The following SGCZ variants were observed in gnomAD, a reference collection of about 807,000 sequenced individuals.
The protein encoded by SGCZ is zeta-sarcoglycan.
In SGCZ, 40 loss-of-function variants were observed where a neutral mutation model predicts 41.3. The ratio of observed to expected loss-of-function variants is 0.97; its 90% CI spans 0.75 to 1.26. The LOEUF (loss-of-function observed/expected upper bound fraction) is 1.26, where lower values mean the gene tolerates loss of function less well. SGCZ is among the 50% of genes most tolerant of loss of function. The probability of loss-of-function intolerance (pLI) is 0.00; values close to 1 mark genes in which losing one functional copy is unlikely to be tolerated. For synonymous variants in SGCZ, 206 were observed against 137.5 expected (o/e 1.50, Z -3.49); for missense variants, 552 against 369.8 (o/e 1.49, Z -4.04).
chr8:14,466,545 G>A (rs973969222), intron 2 of SGCZ, among the ~76,000 whole-genome samples: 1 of 151,760 alleles, frequency 6.6e-6, no homozygotes, highest in Non-Finnish European at 1.5e-5. Context: ...CATAATTTCT[G>A]TCCACTGTAT....
intron 1 of SGCZ, among the ~76,000 whole-genome samples, chr8:14,567,095 C>G (rs1418137422): frequency 6.6e-6 from 1 of 152,204 alleles, no homozygotes; most frequent in Non-Finnish European, 1.5e-5. Context: ...GGCTCGGGAC[C>G]TGCAGCCCGC....
intron 5 of SGCZ, among the ~76,000 whole-genome samples, chr8:14,114,845 A>T (rs1023486714): frequency 1.3e-5 from 2 of 151,964 alleles, no homozygotes; most frequent in African/African-American, 4.8e-5. Context: ...TCTGAGTTTT[A>T]GGAGGAAAAG....
intron 2 of SGCZ, among the ~76,000 whole-genome samples, chr8:14,553,649 C>T (rs967576556): frequency 2.6e-5 from 4 of 151,924 alleles, no homozygotes; most frequent in African/African-American, 9.7e-5. Context: ...AATTGTGGTG[C>T]CTTACAACAT....
chr8:14,285,974 A>G (rs1266079447), intron 3 of SGCZ, among the ~76,000 whole-genome samples: 1 of 152,120 alleles, frequency 6.6e-6, no homozygotes, highest in African/African-American at 2.4e-5. Context: ...ATAATAATGT[A>G]TGTGTATCTA....
intron 1 of SGCZ, among the ~76,000 whole-genome samples, chr8:14,598,781 G>A (rs911233051): frequency 6.6e-6 from 1 of 151,860 alleles, no homozygotes; most frequent in Admixed American, 6.6e-5. Flanking sequence ...CGCCTGACTT[G>A]GCCTCCCAAC....
chr8:14,814,277 A>G (rs1289207289), intron 1 of SGCZ, among the ~76,000 whole-genome samples: 1 of 152,142 alleles, frequency 6.6e-6, no homozygotes, highest in Non-Finnish European at 1.5e-5. Context: ...ACCTCCTTAA[A>G]TGGTCAGCCT....
chr8:14,451,963 C>T (rs1800606815), intron 2 of SGCZ, among the ~76,000 whole-genome samples: 1 of 152,150 alleles, frequency 6.6e-6, no homozygotes, highest in Non-Finnish European at 1.5e-5. Flanking sequence ...TACGATCCAG[C>T]AATCATACTC....
intron 1 of SGCZ, among the ~76,000 whole-genome samples, chr8:15,131,873 G>T (rs1365254850): frequency 6.6e-6 from 1 of 152,158 alleles, no homozygotes; most frequent in Admixed American, 6.5e-5. Context: ...AGCCTGAAAG[G>T]TCTGCAAGCT....
chr8:15,110,452 A>G (rs1807004290), intron 1 of SGCZ, among the ~76,000 whole-genome samples: 1 of 152,240 alleles, frequency 6.6e-6, no homozygotes. Context: ...TACTTAAATT[A>G]CATGGTTTCT....
At chr8:15,218,017 C>T (rs73535898) in intron 1 of SGCZ, among the ~76,000 whole-genome samples, 2 of 152,152 alleles carry the variant, frequency 1.3e-5, no homozygotes, top group Non-Finnish European at 2.9e-5. Context: ...CCCTGGGAGG[C>T]GGAGATTCCT....
intron 2 of SGCZ, among the ~76,000 whole-genome samples, chr8:14,329,664 G>A (rs1159924973): frequency 6.6e-6 from 1 of 152,024 alleles, no homozygotes; most frequent in Non-Finnish European, 1.5e-5. Flanking sequence ...TATTTACTAT[G>A]CTTTCTAAAT....
chr8:14,522,365 T>C (rs979731926), intron 2 of SGCZ, among the ~76,000 whole-genome samples: 2 of 152,058 alleles, frequency 1.3e-5, no homozygotes, highest in Non-Finnish European at 2.9e-5. Flanking sequence ...GTGAAATCAC[T>C]TTGGACAAGA....
intron 2 of SGCZ, among the ~76,000 whole-genome samples, chr8:14,538,092 T>C (rs553459216): frequency 6.1e-4 from 92 of 151,954 alleles, no homozygotes; most frequent in Non-Finnish European, 1.3e-3. Flanking sequence ...TTAAAGTATA[T>C]GTATAGATGT....
intron 3 of SGCZ, among the ~76,000 whole-genome samples, chr8:14,246,961 C>G (rs1799118655): frequency 6.6e-6 from 1 of 150,616 alleles, no homozygotes; most frequent in Non-Finnish European, 1.5e-5. Context: ...AATTCATTTC[C>G]TTCAGAATGC....
intron 1 of SGCZ, among the ~76,000 whole-genome samples, chr8:14,872,596 AG>A (rs1391834968): frequency 6.6e-6 from 1 of 152,116 alleles, no homozygotes; most frequent in Non-Finnish European, 1.5e-5. Flanking sequence ...AAAAATTGAT[AG>A]GAAGTTCTTT....
intron 1 of SGCZ, among the ~76,000 whole-genome samples, chr8:14,751,750 A>G (rs981470485): frequency 2.6e-5 from 4 of 151,930 alleles, no homozygotes; most frequent in Admixed American, 1.3e-4. Context: ...AGGTTTCACC[A>G]TGTTAGCCAG....
intron 2 of SGCZ, among the ~76,000 whole-genome samples, chr8:14,419,416 A>G (rs985588750): frequency 6.6e-6 from 1 of 151,822 alleles, no homozygotes; most frequent in Non-Finnish European, 1.5e-5. Flanking sequence ...AATTATTTCA[A>G]ATTTATCCTC....
chr8:14,902,058 A>G (rs1798987228), intron 1 of SGCZ, among the ~76,000 whole-genome samples: 1 of 152,114 alleles, frequency 6.6e-6, no homozygotes, highest in African/African-American at 2.4e-5. Context: ...TGGACACTTT[A>G]TTTCAAACTA....
chr8:15,097,804 ATATATATATACGTGTGTG>A (rs1262894684), intron 1 of SGCZ, among the ~76,000 whole-genome samples: 56 of 131,726 alleles, frequency 4.3e-4, no homozygotes, highest in South Asian at 7.1e-4. Context: ...ATACGTGTAT[ATATATATATACGTGTGTG>A]TATATATATA....
Sources: allele counts gnomAD v4.1 joint callset (sites outside exome capture counted in the v4.1 genomes callset), GRCh38; gene constraint gnomAD v4.1.1; transcripts MANE v1.5; gene names NCBI Gene and HGNC (gene_info 2026-07-23, HGNC 2026-07-21).